Variants in GRM3 observed in about 807,000 individuals in gnomAD.
GRM3 encodes the protein metabotropic glutamate receptor 3.
A neutral mutation model predicts 70.5 loss-of-function variants in GRM3; 26 were observed. That is an observed-to-expected ratio of 0.37 (90% CI 0.27 to 0.51). The LOEUF is 0.51. GRM3 is among the 20% of genes least tolerant of loss of function. GRM3 has a pLI of 0.93. For synonymous variants in GRM3, 443 were observed against 434.9 expected (o/e 1.02, Z -0.23); for missense variants, 859 against 1,123.8 (o/e 0.76, Z 3.37).
Position 86,670,050 on chromosome 7 carries a change from C to A in GRM3, c.-141+25178C>A, listed in dbSNP as rs568800372. Among the ~76,000 whole-genome samples the A allele has an allele frequency of 5.9e-5, 9 of 152,256 alleles. No homozygotes were observed. In the South Asian group the frequency reaches 1.9e-3, roughly 32 times the overall value. On this transcript the variant is annotated intron_variant, in intron 1 of 5. Coordinates refer to ENST00000361669, the MANE Select transcript of GRM3 (RefSeq NM_000840.3). ...TATTTCAAAGCATCTTCTAAAGCAC[C>A]CTCATTACCCTGGTTTGTTTTCTAT...
intron 1 of GRM3, among the ~76,000 whole-genome samples, chr7:86,648,164 AT>A (rs1793523376): frequency 6.6e-6 from 1 of 151,760 alleles, no homozygotes; most frequent in African/African-American, 2.4e-5. Context: ...TGTTTAAGAC[AT>A]TTTTTGCACA....
intron 3 of GRM3, among the ~76,000 whole-genome samples, chr7:86,812,540 A>C (rs1244545986): frequency 6.6e-6 from 1 of 151,670 alleles, no homozygotes; most frequent in East Asian, 1.9e-4. Flanking sequence ...TAAAAATATT[A>C]CTCCTGAGAC....
intron 1 of GRM3, chr7:86,709,961 C>A (rs1233291065): frequency 1.3e-5 from 2 of 152,040 alleles, no homozygotes; most frequent in Non-Finnish European, 1.5e-5. Flanking sequence ...ATGGGAATAA[C>A]CTATTTGAGG....
At chr7:86,855,588 G>C (rs553875830) in intron 5 of GRM3, among the ~76,000 whole-genome samples, 2 of 152,290 alleles carry the variant, frequency 1.3e-5, no homozygotes, top group South Asian at 4.1e-4. Flanking sequence ...AGGTGGTAAT[G>C]TGTGAACTGT....
At chr7:86,805,789 T>G (rs553130083) in intron 3 of GRM3, among the ~76,000 whole-genome samples, 4 of 152,362 alleles carry the variant, frequency 2.6e-5, no homozygotes, top group Non-Finnish European at 5.9e-5. Flanking sequence ...AGGGTACATG[T>G]GCACAACATG....
intron 5 of GRM3, among the ~76,000 whole-genome samples, chr7:86,853,138 T>C (rs1798783750): frequency 1.3e-5 from 2 of 152,176 alleles, no homozygotes. Flanking sequence ...TAAGCCATTA[T>C]TGGGTCATGA....
chr7:86,783,198 G>A (rs1276961783), intron 2 of GRM3, among the ~76,000 whole-genome samples: 1 of 152,176 alleles, frequency 6.6e-6, no homozygotes, highest in Non-Finnish European at 1.5e-5. Flanking sequence ...CCTGCTAACA[G>A]CAACTAGGCA....
intron 1 of GRM3, among the ~76,000 whole-genome samples, chr7:86,683,437 C>A (rs544410131): frequency 6.6e-6 from 1 of 152,254 alleles, no homozygotes; most frequent in African/African-American, 2.4e-5. Context: ...AGAATCTATT[C>A]ATTGAGGAGA....
intron 2 of GRM3, among the ~76,000 whole-genome samples, chr7:86,775,575 A>G (rs2116472245): frequency 6.6e-6 from 1 of 152,204 alleles, no homozygotes; most frequent in African/African-American, 2.4e-5. Context: ...TTAATAAAAA[A>G]AAATTAATAG....
intron 1 of GRM3, among the ~76,000 whole-genome samples, chr7:86,741,878 T>C (rs772992110): frequency 6.6e-6 from 1 of 152,206 alleles, no homozygotes; most frequent in Non-Finnish European, 1.5e-5. Context: ...TTTTTAGCCT[T>C]AAAAAACTTT....
At chr7:86,789,780 G>A (rs1797359983) in intron 3 of GRM3, among the ~76,000 whole-genome samples, 1 of 152,076 alleles carries the variant, frequency 6.6e-6, no homozygotes. Context: ...AAAAAACTAG[G>A]CCTCCTGTGA....
chr7:86,663,630 TGGA>T (rs1793953164), intron 1 of GRM3, among the ~76,000 whole-genome samples: 1 of 151,968 alleles, frequency 6.6e-6, no homozygotes, highest in South Asian at 2.1e-4. Flanking sequence ...TTGTTGTTGT[TGGA>T]GATGAGATTG....
chr7:86,779,769 G>A (rs775051348), intron 2 of GRM3, among the ~76,000 whole-genome samples: 3 of 152,232 alleles, frequency 2.0e-5, no homozygotes, highest in South Asian at 4.1e-4. Flanking sequence ...AAGTGGTAAA[G>A]GTCATTCTAG....
rs35792615 is a variant in GRM3, at chr7:86,823,582, ATTTTTTT to A, written c.1325-15240_1325-15234del. Among the ~76,000 whole-genome samples the A allele has an allele frequency of 2.1e-4, 9 of 43,124 alleles. No homozygotes were observed. The East Asian group carries it at 5.3e-3, about 25-fold the overall frequency. 28.3% of individuals were successfully genotyped at this position (43,124 alleles called of 152,430 possible). Reference sequence around the variant, plus strand: ...AATTCAGCGGTTAGCTGTGTGAGGTATTTTTTTTTTTTTTTTTTTTTTTGGCGGGGGG... The same window carrying A: ...AATTCAGCGGTTAGCTGTGTGAGGTATTTTTTTTTTTTTTTTGGCGGGGGG... On this transcript the variant is annotated intron_variant, in intron 3 of 5. Coordinates refer to ENST00000361669, the MANE Select transcript of GRM3 (RefSeq NM_000840.3).
intron 3 of GRM3, among the ~76,000 whole-genome samples, chr7:86,836,530 A>G (rs1342717764): frequency 2.0e-5 from 3 of 152,212 alleles, no homozygotes; most frequent in Admixed American, 2.0e-4. Context: ...ATGCCTACTA[A>G]TGGAAGTGTG....
intron 3 of GRM3, among the ~76,000 whole-genome samples, chr7:86,804,678 T>G (rs1797751499): frequency 6.6e-6 from 1 of 152,226 alleles, no homozygotes. Context: ...CCCAAAGTGC[T>G]GGGATTATAG....
chr7:86,774,584 C>T (rs1027706490), intron 2 of GRM3, among the ~76,000 whole-genome samples: 27 of 152,204 alleles, frequency 1.8e-4, no homozygotes, highest in African/African-American at 6.0e-4. Context: ...GCAACACCTT[C>T]AAAAATTATA....
chr7:86,689,483 T>G (rs563585258), intron 1 of GRM3, among the ~76,000 whole-genome samples: 1 of 152,232 alleles, frequency 6.6e-6, no homozygotes, highest in South Asian at 2.1e-4. Context: ...GAATAAGTTA[T>G]GTCTCTTTAT....
At chr7:86,792,927 T>A (rs1022356588) in intron 3 of GRM3, among the ~76,000 whole-genome samples, 1 of 152,024 alleles carries the variant, frequency 6.6e-6, no homozygotes, top group African/African-American at 2.4e-5. Context: ...GGACTCATCA[T>A]AACAGGACTG....
Sources: gnomAD v4.1 joint callset for allele counts (sites outside exome capture counted in the v4.1 genomes callset) on GRCh38, gnomAD v4.1.1 for gene constraint, MANE v1.5 for transcripts, NCBI Gene and HGNC (gene_info 2026-07-23, HGNC 2026-07-21) for gene names.